Variants in TRIM24 observed in about 807,000 individuals in gnomAD.
TRIM24 encodes the protein transcription intermediary factor 1-alpha.
In TRIM24, 29 loss-of-function variants were observed where a neutral mutation model predicts 123.9. The observed-to-expected ratio is 0.23, with a 90% CI of 0.17 to 0.32. The LOEUF is 0.32. TRIM24 is among the 10% of genes least tolerant of loss of function. The pLI is 1.00. For missense variants in TRIM24, 932 were observed against 1,295.3 expected (o/e 0.72, Z 4.31); for synonymous variants, 456 against 461.1 (o/e 0.99, Z 0.14).
At position 138,519,193 on chromosome 7, in the gene TRIM24, A is replaced by T; in HGVS notation, c.636A>T (p.Ala212=). The change falls in exon 4 of 19, where the codon GCA becomes GCT. Residue 212 remains alanine (A), a synonymous_variant. Transcript: ENST00000343526. The part of the protein sequence containing the change: ...VRQKEEVSPE[A]VGVTSQRPVF... ...TGTCTCCCATTGTTTCTGCAGAGGC[A>T]GTTGGTGTCACCAGCCAGCGACCAG... 1.9e-6 allele frequency: 3 copies of T among 1,614,130 alleles called. No homozygotes were observed. The highest frequency in any genetic ancestry group is 2.5e-6 in the Non-Finnish European group (3 of 1,179,990).
intron 9 of TRIM24, among the ~76,000 whole-genome samples, chr7:138,563,090 C>T (rs918395300): frequency 6.6e-6 from 1 of 152,186 alleles, no homozygotes; most frequent in Non-Finnish European, 1.5e-5. Flanking sequence ...CGGGTTACTA[C>T]CAGCTATTCA....
chr7:138,491,067 G>A, intron 1 of TRIM24: 1 of 247,614 alleles, frequency 4.0e-6, no homozygotes, highest in Non-Finnish European at 8.1e-6. Flanking sequence ...TAAGACCCAT[G>A]CCATGGAAGT....
Position 138,466,463 on chromosome 7 carries a change from C to CTTTTTTTTTTTTTTT in TRIM24, c.364+5555_364+5569dup, listed in dbSNP as rs577317171. On this transcript the variant is annotated intron_variant, in intron 1 of 18. Transcript: ENST00000343526. Reference sequence around the variant, plus strand: ...TTTGCAAATTTCAAAACTTAAGTTGCTTTTTTTTTTTTTTTTTTGGAGACA... The same window carrying CTTTTTTTTTTTTTTT: ...TTTGCAAATTTCAAAACTTAAGTTGCTTTTTTTTTTTTTTTTTTTTTTTTTTTTTTTTTGGAGACA... Among the ~76,000 whole-genome samples the CTTTTTTTTTTTTTTT allele has an allele frequency of 3.9e-4, 29 of 74,056 alleles. 6 individuals carry two copies. Among genetic ancestry groups the CTTTTTTTTTTTTTTT allele is most frequent in the East Asian group, 7.4e-4 (2 of 2,720 alleles). 48.6% of individuals were successfully genotyped at this position (74,056 alleles called of 152,430 possible). A position where few individuals can be genotyped will look rare whatever the true frequency, so the allele number is the denominator to read the frequency against.
intron 16 of TRIM24, 60 bp downstream of exon 16, chr7:138,580,754 T>C: frequency 2.0e-6 from 3 of 1,505,738 alleles, no homozygotes; most frequent in Non-Finnish European, 2.7e-6. Context: ...GTGGTACCTT[T>C]TGTCAAAGAG....
At chr7:138,476,592 CAAA>C (rs60613094) in intron 1 of TRIM24, among the ~76,000 whole-genome samples, 8 of 107,844 alleles carry the variant, frequency 7.4e-5, no homozygotes, top group Admixed American at 9.0e-5. Context: ...GGCTCCGTCT[CAAA>C]AAAAAAAAAA....
chr7:138,474,809 C>G (rs1264373134), intron 1 of TRIM24, among the ~76,000 whole-genome samples: 1 of 152,106 alleles, frequency 6.6e-6, no homozygotes. Flanking sequence ...TTTTGTTTAT[C>G]TTTACACTAA....
Position 138,460,288 on chromosome 7 carries a change from A to G in TRIM24, c.-261A>G. ...TCCACGAGCGCCTCGGCGGTTGGCG[A>G]AGCGGACGGGGTGCAGCCTCCCCGG... On this transcript the variant is annotated 5_prime_UTR_variant, in exon 1 of 19. Transcript: ENST00000343526. The G allele has an allele frequency of 2.7e-6, 1 of 375,122 alleles. No homozygotes were observed. Among genetic ancestry groups the G allele is most frequent in the Non-Finnish European group, 4.7e-6 (1 of 212,324 alleles). The allele number at this position is 375,122 out of a possible 1,614,324, so 23.2% of individuals were successfully genotyped here. A position where few individuals can be genotyped will look rare whatever the true frequency, so the allele number is the denominator to read the frequency against.
chr7:138,522,868 G>A (rs985372398), intron 4 of TRIM24, among the ~76,000 whole-genome samples: 1 of 152,148 alleles, frequency 6.6e-6, no homozygotes. Flanking sequence ...AGAAATTCCA[G>A]TAGATGGTAG....
Position 138,570,932 on chromosome 7 carries a change from G to C in TRIM24, c.1807G>C (p.Ala603Pro). 1 of 1,614,082 alleles carries C rather than the reference G, an allele frequency of 6.2e-7. No homozygotes were observed. ...ITSAAGYDGK[A>P]FGSPMIDLSS... ...TAGTGCAGCAGGATATGATGGAAAG[G>C]CTTTTGGTTCACCTATGATCGATTT... Residue 603 changes from alanine to proline, a missense_variant, in exon 11 of 19, where the codon GCT becomes CCT. Transcript: ENST00000343526.
At chr7:138,492,485 T>C (rs1007008037) in intron 1 of TRIM24, among the ~76,000 whole-genome samples, 9 of 152,084 alleles carry the variant, frequency 5.9e-5, no homozygotes, top group African/African-American at 2.2e-4. Flanking sequence ...TTAATTTTGG[T>C]GAAGGGGACA....
chr7:138,558,548 G>A (rs1797362917), intron 9 of TRIM24, among the ~76,000 whole-genome samples: 1 of 152,216 alleles, frequency 6.6e-6, no homozygotes, highest in Non-Finnish European at 1.5e-5. Flanking sequence ...TACTGACTAT[G>A]TTTTCAGCCA....
chr7:138,462,267 G>T (rs192580535), intron 1 of TRIM24, among the ~76,000 whole-genome samples: 48 of 151,922 alleles, frequency 3.2e-4, no homozygotes, highest in Non-Finnish European at 2.6e-4. Flanking sequence ...GGAACTGCCT[G>T]TGTAGATGTC....
At chr7:138,484,112 A>AT (rs780943666) in intron 1 of TRIM24, among the ~76,000 whole-genome samples, 2,336 of 144,834 alleles carry the variant, frequency 0.016, 42 homozygotes, top group African/African-American at 0.052. Flanking sequence ...TCATAAATAG[A>AT]TTTTTTTTTT....
intron 6 of TRIM24, among the ~76,000 whole-genome samples, 156 bp downstream of exon 6, chr7:138,529,386 G>A (rs1380777831): frequency 6.6e-6 from 1 of 151,850 alleles, no homozygotes; most frequent in Admixed American, 6.6e-5. Flanking sequence ...GTTTTGTATT[G>A]TAGCTGACAA....
rs139301648 is a variant in TRIM24 at position 138,579,688 on chromosome 7, G to A, written c.2585+156G>A. 5.5e-4 allele frequency among the ~76,000 whole-genome samples: 84 copies of A among 152,206 alleles called. 1 individual carries two copies. The highest frequency in any genetic ancestry group is 1.8e-3 in the African/African-American group (74 of 41,536). On this transcript the variant is annotated intron_variant, in intron 15 of 18. Coordinates refer to ENST00000343526, the MANE Select transcript of TRIM24 (RefSeq NM_015905.3). Reference sequence around the variant, plus strand: ...AGTCTAGGTTTTCCCATACCCTTCCGCTTATTCTTTGTGCTTCTTTCAAAA... The same window carrying A: ...AGTCTAGGTTTTCCCATACCCTTCCACTTATTCTTTGTGCTTCTTTCAAAA...
rs1797278440 is a variant in TRIM24, at chr7:138,554,632, T to C, written c.1262-66T>C. On this transcript the variant is annotated intron_variant, in intron 8 of 18. Coordinates refer to ENST00000343526, the MANE Select transcript of TRIM24 (RefSeq NM_015905.3). The surrounding 1 kb of genome is among the most constrained non-coding windows in gnomAD (Gnocchi z 4.5). ...TTTTGAAGTTCTGCAAAAATAGCTT[T>C]AGAAAATGTGATATTTCACCAACTA... The C allele has an allele frequency of 1.3e-6, 2 of 1,540,490 alleles. No homozygotes were observed. Among genetic ancestry groups the C allele is most frequent in the African/African-American group, 2.7e-5 (2 of 72,728 alleles).
chr7:138,470,472 T>A (rs917936346), intron 1 of TRIM24, among the ~76,000 whole-genome samples: 3 of 152,238 alleles, frequency 2.0e-5, no homozygotes, highest in Non-Finnish European at 4.4e-5. Flanking sequence ...TGGGTTTTAA[T>A]ATCTGTTTTT....
chr7:138,540,437 C>T (rs755766906), intron 7 of TRIM24, among the ~76,000 whole-genome samples: 62 of 152,226 alleles, frequency 4.1e-4, no homozygotes, highest in Non-Finnish European at 7.2e-4. Flanking sequence ...ACAATGATCA[C>T]AGCATCTTCA....
chr7:138,470,275 C>T (rs563422960), intron 1 of TRIM24, among the ~76,000 whole-genome samples: 18 of 151,946 alleles, frequency 1.2e-4, no homozygotes, highest in South Asian at 2.1e-4. Context: ...GGAGCATAGG[C>T]GTGTGCCACC....
Sources: allele counts gnomAD v4.1 joint callset (sites outside exome capture counted in the v4.1 genomes callset), GRCh38; gene constraint gnomAD v4.1.1; non-coding constraint Gnocchi (gnomAD v3.1); transcripts MANE v1.5; gene names NCBI Gene and HGNC (gene_info 2026-07-23, HGNC 2026-07-21).